Variants in FAF1 observed in about 807,000 individuals in gnomAD.
The protein encoded by FAF1 is FAS-associated factor 1.
In FAF1, 25 loss-of-function variants were observed where a neutral mutation model predicts 92.5. The ratio of observed to expected loss-of-function variants is 0.27; its 90% confidence interval spans 0.20 to 0.38. The LOEUF (loss-of-function observed/expected upper bound fraction) is 0.38. FAF1 is among the 10% of genes least tolerant of loss of function. The pLI, the probability that FAF1 is intolerant of heterozygous loss-of-function variation, is 1.00. For synonymous variants in FAF1, 234 were observed against 273.2 expected (o/e 0.86, Z 1.42); for missense variants, 636 against 793.3 (o/e 0.80, Z 2.38).
At chr1:50,901,864 C>A (rs1279944680) in intron 1 of FAF1, among the ~76,000 whole-genome samples, 1 of 152,150 alleles carries the variant, frequency 6.6e-6, no homozygotes, top group Non-Finnish European at 1.5e-5. Context: ...GACCCTGTCT[C>A]AAAAACAACA....
At chr1:50,713,155 C>CAAAAAA (rs371395514) in intron 6 of FAF1, among the ~76,000 whole-genome samples, 1 of 46,514 alleles carries the variant, frequency 2.1e-5, no homozygotes. Flanking sequence ...GCCAGACCCT[C>CAAAAAA]AAAAAAAAAA....
chr1:50,647,039 G>A (rs1317198717), intron 8 of FAF1, among the ~76,000 whole-genome samples: 1 of 152,042 alleles, frequency 6.6e-6, no homozygotes, highest in Non-Finnish European at 1.5e-5. Flanking sequence ...AGTAGAGACA[G>A]GGTTTCACCA....
chr1:50,606,900 T>C (rs1212724815), intron 8 of FAF1: 1 of 152,110 alleles, frequency 6.6e-6, no homozygotes, highest in Non-Finnish European at 1.5e-5. Flanking sequence ...TGTCCAAAAG[T>C]GGAACTTGCT....
Position 50,904,785 on chromosome 1 carries a change from A to G in FAF1, c.46-46788T>C, listed in dbSNP as rs75957150. Among the ~76,000 whole-genome samples, 19 of 152,312 alleles carry G rather than the reference A, an allele frequency of 1.2e-4. No homozygotes were observed. The East Asian group carries it at 3.5e-3, about 28-fold the overall frequency. On this transcript the variant is annotated intron_variant, in intron 1 of 18. Transcript: ENST00000396153. The stretch of plus-strand genomic sequence containing the variant: ...GAGCAAAGATGAACTGCCAGTTTCC[A>G]CAAACCTCCTGAAACAAATATAACT...
Position 50,440,187 on chromosome 1 carries a change from A to T in FAF1, c.*1253T>A, listed in dbSNP as rs1242942464. The T allele has an allele frequency of 1.3e-5, 2 of 152,204 alleles. No individual in the cohort carries two copies. Among genetic ancestry groups the T allele is most frequent in the African/African-American group, 2.4e-5 (1 of 41,436 alleles). The allele number at this position is 152,204 out of a possible 1,614,324, so 9.4% of individuals were successfully genotyped here. On this transcript the variant is annotated 3_prime_UTR_variant, in exon 19 of 19. Coordinates refer to ENST00000396153, the MANE Select transcript of FAF1 (RefSeq NM_007051.3). ...GGTGACACAAAAACAGATATGGAGAAATATTTCAAGACTAAAAATAAATCA... is the reference window on the plus strand; with the variant it reads ...GGTGACACAAAAACAGATATGGAGATATATTTCAAGACTAAAAATAAATCA...
chr1:50,808,317 A>G (rs2124601849), intron 2 of FAF1, among the ~76,000 whole-genome samples: 1 of 152,340 alleles, frequency 6.6e-6, no homozygotes, highest in East Asian at 1.9e-4. Context: ...ACACTTAAGT[A>G]CATAGATCAC....
intron 1 of FAF1, among the ~76,000 whole-genome samples, chr1:50,914,665 T>C (rs1644907764): frequency 6.6e-6 from 1 of 152,222 alleles, no homozygotes; most frequent in South Asian, 2.1e-4. Context: ...CTATTTGCCT[T>C]ATAATGTTAT....
chr1:50,830,508 A>T (rs184749588), intron 2 of FAF1, among the ~76,000 whole-genome samples: 36 of 152,368 alleles, frequency 2.4e-4, no homozygotes, highest in African/African-American at 7.9e-4. Context: ...TGACCATTAG[A>T]TCAATACAGA....
intron 4 of FAF1, among the ~76,000 whole-genome samples, chr1:50,759,769 C>T (rs986772133): frequency 6.6e-6 from 1 of 152,178 alleles, no homozygotes; most frequent in Non-Finnish European, 1.5e-5. Context: ...GTCACACCAA[C>T]AGTGTAAAAG....
At chr1:50,705,951 C>G in intron 6 of FAF1, 60 bp from the exon 7 acceptor site, 1 of 992,224 alleles carries the variant, frequency 1.0e-6, no homozygotes, top group East Asian at 2.4e-5. Flanking sequence ...GCTTGCTTTA[C>G]AGCTAGCTGC....
chr1:50,826,298 C>A (rs1644096832), intron 2 of FAF1, among the ~76,000 whole-genome samples: 2 of 152,132 alleles, frequency 1.3e-5, no homozygotes, highest in African/African-American at 4.8e-5. Context: ...TGCCTGTAAT[C>A]CCAGCACTTT....
At chr1:50,485,859 G>GGA (rs941303167) in intron 17 of FAF1, among the ~76,000 whole-genome samples, 5 of 151,334 alleles carry the variant, frequency 3.3e-5, no homozygotes, top group African/African-American at 4.9e-5. Flanking sequence ...TGGTGGCAGG[G>GGA]GAGAGAGAGA....
At chr1:50,547,689 C>T (rs1649096900) in intron 13 of FAF1, among the ~76,000 whole-genome samples, 2 of 152,226 alleles carry the variant, frequency 1.3e-5, no homozygotes, top group African/African-American at 2.4e-5. Context: ...GCTGGGATTA[C>T]AGGCGTGAGC....
At chr1:50,726,755 G>T (rs1156700852) in intron 6 of FAF1, among the ~76,000 whole-genome samples, 2 of 152,172 alleles carry the variant, frequency 1.3e-5, no homozygotes, top group Non-Finnish European at 2.9e-5. Context: ...CGTGAATCCG[G>T]GAGGCGGAAC....
intron 2 of FAF1, among the ~76,000 whole-genome samples, chr1:50,826,060 G>T (rs982410152): frequency 8.5e-5 from 13 of 152,052 alleles, no homozygotes; most frequent in African/African-American, 2.9e-4. Context: ...TACATATTAA[G>T]TATGAAGACT....
At chr1:50,930,025 A>G (rs984807810) in intron 1 of FAF1, among the ~76,000 whole-genome samples, 4 of 152,226 alleles carry the variant, frequency 2.6e-5, no homozygotes, top group African/African-American at 7.2e-5. Context: ...GTAGACTCCA[A>G]TGATCTATGC....
chr1:50,921,253 C>A (rs1431412589), intron 1 of FAF1, among the ~76,000 whole-genome samples: 1 of 152,214 alleles, frequency 6.6e-6, no homozygotes, highest in African/African-American at 2.4e-5. Context: ...GTAGCCAACA[C>A]CCCCAGATGC....
Position 50,452,181 on chromosome 1 carries a change from A to G in FAF1, c.1870-10658T>C, listed in dbSNP as rs529310008. Reference sequence around the variant, plus strand: ...GAACAGGCATGTTTCCCCATCCTGGAAAGTCCTGGAATCTGGAAGACATAA... The same window carrying G: ...GAACAGGCATGTTTCCCCATCCTGGGAAGTCCTGGAATCTGGAAGACATAA... On this transcript the variant is annotated intron_variant, in intron 18 of 18. Coordinates refer to ENST00000396153, the MANE Select transcript of FAF1 (RefSeq NM_007051.3). The G allele has an allele frequency of 1.6e-5, 22 of 1,338,000 alleles. No homozygotes were observed. In the African/African-American group the frequency reaches 2.7e-4, roughly 16 times the overall value. 82.9% of individuals were successfully genotyped at this position (1,338,000 alleles called of 1,614,324 possible). A position where few individuals can be genotyped will look rare whatever the true frequency, so the allele number is the denominator to read the frequency against.
At position 50,730,678 on chromosome 1, in the gene FAF1, C is replaced by G. The variant is rs530301176; in HGVS notation, c.551+8185G>C. ...GCTACTCTTGACAGAGTTTCCAGTT[C>G]TATACTATACCCAAATGGCTCAGGC... On this transcript the variant is annotated intron_variant, in intron 6 of 18. Coordinates refer to ENST00000396153, the MANE Select transcript of FAF1 (RefSeq NM_007051.3). Among the ~76,000 whole-genome samples, 10 of 152,328 alleles carry G rather than the reference C, an allele frequency of 6.6e-5. No homozygotes were observed. In the South Asian group the frequency reaches 1.9e-3, roughly 28 times the overall value.
Sources: allele counts gnomAD v4.1 joint callset (sites outside exome capture counted in the v4.1 genomes callset), GRCh38; gene constraint gnomAD v4.1.1; transcripts MANE v1.5; gene names NCBI Gene and HGNC (gene_info 2026-07-23, HGNC 2026-07-21).